Variants in MDM1 observed in about 807,000 individuals in gnomAD.
MDM1 encodes stabilizer of axonemal microtubules 6, also known as Mdm1 nuclear protein.
A neutral mutation model predicts 89.1 loss-of-function variants in MDM1; 61 were observed. The observed-to-expected ratio is 0.68, with a 90% CI of 0.56 to 0.85. The LOEUF (loss-of-function observed/expected upper bound fraction) is 0.85. MDM1 is among the 40% of genes least tolerant of loss of function. MDM1 has a pLI of 0.00. For synonymous variants in MDM1, 290 were observed against 294.1 expected (o/e 0.99, Z 0.14); for missense variants, 820 against 846.5 (o/e 0.97, Z 0.39).
In MDM1 at chr12:68,325,501, A is replaced by G; in HGVS notation, c.573T>C (p.Tyr191=). 1 of 1,600,254 alleles carries G rather than the reference A, an allele frequency of 6.2e-7. No homozygotes were observed. Among genetic ancestry groups the G allele is most frequent in the East Asian group, 2.3e-5 (1 of 44,366 alleles). ...PSYNALRNSE[Y]QRQFVWKTSK... ...AAGTCTTCCAAACAAACTGCCTTTG[A>G]TATTCAGAATTTCTCAAGGCATTAT... The change falls in exon 4 of 15, where the codon TAT becomes TAC. Residue 191 remains tyrosine (Y), a synonymous_variant. Transcript: ENST00000682720.
In MDM1 at chr12:68,318,007, T is replaced by A. The variant is rs536916075; in HGVS notation, c.1006-1397A>T. On this transcript the variant is annotated intron_variant, in intron 7 of 14. Coordinates refer to ENST00000682720, the MANE Select transcript of MDM1 (RefSeq NM_001354969.2). ...CATGCCCTCCTCCTCCATCAACCTA[T>A]GAACTTCTTGAGGTGAGGGAAAACG... is the stretch of plus-strand genomic sequence containing the variant. Among the ~76,000 whole-genome samples the A allele has an allele frequency of 3.3e-5, 5 of 152,304 alleles. No individual in the cohort carries two copies. The South Asian group carries it at 6.2e-4, about 19-fold the overall frequency.
At chr12:68,316,428 AG>A (rs1565778152) in intron 8 of MDM1, 152 bp downstream of exon 8, 4 of 933,854 alleles carry the variant, frequency 4.3e-6, no homozygotes, top group Non-Finnish European at 6.3e-6. Flanking sequence ...AAAACAATCA[AG>A]CTAAAGCATG....
chr12:68,303,588 TAAC>T (rs1284213094), intron 12 of MDM1, among the ~76,000 whole-genome samples: 1 of 152,136 alleles, frequency 6.6e-6, no homozygotes, highest in African/African-American at 2.4e-5. Context: ...GACTAAGAAA[TAAC>T]AATAGAAATT....
intron 12 of MDM1, among the ~76,000 whole-genome samples, chr12:68,307,210 G>C (rs961229286): frequency 6.6e-6 from 1 of 152,190 alleles, no homozygotes; most frequent in Admixed American, 6.5e-5. Context: ...AGGGAGGGGT[G>C]CAAGAGTTGA....
intron 12 of MDM1, among the ~76,000 whole-genome samples, chr12:68,312,399 T>C (rs1225752192): frequency 2.0e-5 from 3 of 152,216 alleles, no homozygotes; most frequent in African/African-American, 4.8e-5. Context: ...GATTTTTCTC[T>C]TTCTCCCACC....
intron 3 of MDM1, 172 bp from the exon 4 acceptor site, chr12:68,325,747 T>G: frequency 8.0e-7 from 1 of 1,254,338 alleles, no homozygotes; most frequent in Non-Finnish European, 1.0e-6. Flanking sequence ...TTTCTTCAAC[T>G]TATAAATAGT....
rs116492626 is a variant in MDM1, at chr12:68,312,828, G to A, written c.1749+615C>T. The stretch of plus-strand genomic sequence containing the variant: ...GTGACCTTCTAGCTGTTCCTCAAGG[G>A]GGCAGGTACCCCCTTCACCTGAGGG... On this transcript the variant is annotated intron_variant, in intron 12 of 14. Transcript: ENST00000682720. Among the ~76,000 whole-genome samples, 1,102 of 151,888 alleles carry A rather than the reference G, an allele frequency of 7.3e-3. 6 individuals carry two copies. Among genetic ancestry groups the A allele is most frequent in the African/African-American group, 0.024 (1,011 of 41,394 alleles).
At chr12:68,310,649 T>C (rs1001834039) in intron 12 of MDM1, among the ~76,000 whole-genome samples, 7 of 152,206 alleles carry the variant, frequency 4.6e-5, no homozygotes, top group Non-Finnish European at 2.9e-5. Context: ...AGTTTTGATA[T>C]TCTGTCACTC....
intron 4 of MDM1, 177 bp downstream of exon 4, chr12:68,325,264 T>G: frequency 7.9e-7 from 1 of 1,261,212 alleles, no homozygotes; most frequent in African/African-American, 1.5e-5. Flanking sequence ...CAGTATAATA[T>G]TACTACCATA....
At chr12:68,329,389 T>C (rs1313481132) in intron 2 of MDM1, among the ~76,000 whole-genome samples, 1 of 152,218 alleles carries the variant, frequency 6.6e-6, no homozygotes, top group Non-Finnish European at 1.5e-5. Context: ...CTTGGTACCC[T>C]ACCCATAAGT....
intron 12 of MDM1, among the ~76,000 whole-genome samples, chr12:68,309,823 C>A (rs1336308619): frequency 1.3e-5 from 2 of 152,194 alleles, no homozygotes; most frequent in East Asian, 1.9e-4. Flanking sequence ...GACTCCTCTG[C>A]CTACCAGTAA....
chr12:68,300,975 G>A (rs1319631424), intron 13 of MDM1, among the ~76,000 whole-genome samples: 1 of 152,030 alleles, frequency 6.6e-6, no homozygotes, highest in Non-Finnish European at 1.5e-5. Context: ...GACCACAGGG[G>A]AATAAAACTA....
At position 68,316,098 on chromosome 12, in the gene MDM1, G is replaced by C; in HGVS notation, c.1191C>G (p.Ile397Met). Residue 397 changes from isoleucine to methionine, a missense_variant, in exon 9 of 15, where the codon ATC becomes ATG. By Grantham distance (10) the Ile-to-Met change is conservative (BLOSUM62 1). Transcript: ENST00000682720. ...CTCACCCAGCAAGATCTAATGCTCTGATGTTGCTACTAACGGTTCCTTCTG... is the reference window on the plus strand; with the variant it reads ...CTCACCCAGCAAGATCTAATGCTCTCATGTTGCTACTAACGGTTCCTTCTG... ...TSSEGTVSSN[I>M]RALDLAGDPT... 3 of 1,611,934 alleles carry C rather than the reference G, an allele frequency of 1.9e-6. No individual in the cohort carries two copies. Among genetic ancestry groups the C allele is most frequent in the Non-Finnish European group, 1.7e-6 (2 of 1,179,072 alleles).
At position 68,321,566 on chromosome 12, in the gene MDM1, C is replaced by T. The variant is rs759400300; in HGVS notation, c.864G>A (p.Gln288=). The change falls in exon 6 of 15, where the codon CAG becomes CAA. Residue 288 remains glutamine, a synonymous_variant. Transcript: ENST00000682720. ...EAEMELKDLH[Q]PKRKLTPWKH... is the part of the protein sequence containing the mutation. ...TCCAAGGAGTAAGCTTCCTTTTAGGCTGGTGTAAGTCTTTTAATTCCATCT... is the reference window on the plus strand; with the variant it reads ...TCCAAGGAGTAAGCTTCCTTTTAGGTTGGTGTAAGTCTTTTAATTCCATCT... 5.0e-6 allele frequency: 8 copies of T among 1,613,170 alleles called. No individual in the cohort carries two copies. Among genetic ancestry groups the T allele is most frequent in the Non-Finnish European group, 6.8e-6 (8 of 1,179,798 alleles).
chr12:68,306,052 C>G (rs1298021608), intron 12 of MDM1, among the ~76,000 whole-genome samples: 1 of 150,882 alleles, frequency 6.6e-6, no homozygotes, highest in South Asian at 2.1e-4. Flanking sequence ...CATCATGGTA[C>G]TGGTAAACAA....
In MDM1 at chr12:68,296,906, T is replaced by C. The variant is rs1174909201; in HGVS notation, c.2062+17A>G. The stretch of plus-strand genomic sequence containing the variant: ...GACTAGAACTCAAACTTTTATGTTA[T>C]GTGACTACTGAAATACCTTCATCAT... On this transcript the variant is annotated intron_variant, in intron 14 of 14. Transcript: ENST00000682720. 2 of 1,567,104 alleles carry C rather than the reference T, an allele frequency of 1.3e-6. No homozygotes were observed. The highest frequency in any genetic ancestry group is 1.7e-6 in the Non-Finnish European group (2 of 1,156,494).
intron 1 of MDM1, 97 bp downstream of exon 1, chr12:68,332,131 G>T: frequency 6.7e-7 from 1 of 1,493,672 alleles, no homozygotes; most frequent in South Asian, 1.2e-5. Context: ...CCGGGCAGAG[G>T]GCTGCAGCGC....
chr12:68,304,952 G>A (rs1872674369), intron 12 of MDM1, among the ~76,000 whole-genome samples: 1 of 152,198 alleles, frequency 6.6e-6, no homozygotes, highest in Non-Finnish European at 1.5e-5. Context: ...TTTTTGATGT[G>A]CTGCTGGATT....
chr12:68,323,361 G>C, intron 4 of MDM1, 121 bp from the exon 5 acceptor site: 2 of 652,640 alleles, frequency 3.1e-6, no homozygotes, highest in Non-Finnish European at 5.0e-6. Context: ...AGTTATATAT[G>C]ATTTTAATTT....
Sources: gnomAD v4.1 joint callset for allele counts (sites outside exome capture counted in the v4.1 genomes callset) on GRCh38, gnomAD v4.1.1 for gene constraint, MANE v1.5 for transcripts, NCBI Gene and HGNC (gene_info 2026-07-23, HGNC 2026-07-21) for gene names.